MTA3: variants seen among roughly 807,000 people sequenced by gnomAD.
MTA3 encodes the protein metastasis associated 1 family member 3, also known as metastasis-associated protein MTA3.
A neutral mutation model predicts 83.5 loss-of-function variants in MTA3; 34 were observed. The ratio of observed to expected loss-of-function variants is 0.41; its 90% CI spans 0.31 to 0.54. MTA3 has a LOEUF of 0.54. Ranked by LOEUF, MTA3 falls within the 20% of genes least tolerant of loss-of-function variation. MTA3 has a pLI of 0.33. For synonymous variants in MTA3, 303 were observed against 252.7 expected, an observed-to-expected ratio of 1.20 and a Z score of -1.89; for missense variants, 761 against 726.4, an observed-to-expected ratio of 1.05 and a Z score of -0.55.
intron 4 of MTA3, among the ~76,000 whole-genome samples, chr2:42,617,319 G>T (rs990650258): frequency 7.2e-5 from 11 of 152,072 alleles, no homozygotes; most frequent in Non-Finnish European, 1.6e-4. Flanking sequence ...TCTCACACAA[G>T]TTTGTAGAAA....
intron 8 of MTA3, among the ~76,000 whole-genome samples, chr2:42,663,226 ATGG>A (rs1689897306): frequency 6.6e-6 from 1 of 152,036 alleles, no homozygotes; most frequent in Admixed American, 6.6e-5. Flanking sequence ...TGTTCCTGAG[ATGG>A]TGGAGAGTTC....
chr2:42,641,368 A>G (rs1204596176), intron 5 of MTA3, among the ~76,000 whole-genome samples: 2 of 152,172 alleles, frequency 1.3e-5, no homozygotes, highest in African/African-American at 4.8e-5. Context: ...AGTCATATTC[A>G]AAGCAGAAAA....
At chr2:42,716,562 A>G (rs566784431) in intron 14 of MTA3, among the ~76,000 whole-genome samples, 1 of 152,200 alleles carries the variant, frequency 6.6e-6, no homozygotes, top group Non-Finnish European at 1.5e-5. Context: ...GCTCCGACTC[A>G]TAAGTGAGAA....
At chr2:42,504,072 T>A (rs1179666275) in intron 2 of MTA3, among the ~76,000 whole-genome samples, 1 of 150,266 alleles carries the variant, frequency 6.7e-6, no homozygotes, top group Non-Finnish European at 1.5e-5. Flanking sequence ...TACAGGCAGC[T>A]GTCACCACGC....
chr2:42,559,394 C>A (rs13018088), intron 2 of MTA3, among the ~76,000 whole-genome samples: 48,820 of 151,044 alleles, frequency 0.32, 8,031 homozygotes, highest in South Asian at 0.41. Flanking sequence ...CCCAGCTACT[C>A]TGGAGGCTGA....
At chr2:42,586,242 C>G (rs1573074727) in intron 3 of MTA3, among the ~76,000 whole-genome samples, 1 of 150,480 alleles carries the variant, frequency 6.6e-6, no homozygotes, top group Non-Finnish European at 1.5e-5. Context: ...CCATTGCACT[C>G]CAGCCCGGAC....
In MTA3 at chr2:42,596,413, C is replaced by A. The variant is rs533957512; in HGVS notation, c.191-13045C>A. ...AACTTTCATTTAAAAGGACATTTTTCTCTTGCTATTTTATGGAGTTTTTAT... is the reference window on the plus strand; with the variant it reads ...AACTTTCATTTAAAAGGACATTTTTATCTTGCTATTTTATGGAGTTTTTAT... On this transcript the variant is annotated intron_variant, in intron 3 of 16. Coordinates refer to ENST00000405094, the MANE Select transcript of MTA3 (RefSeq NM_001330442.2). Among the ~76,000 whole-genome samples the A allele has an allele frequency of 2.0e-5, 3 of 152,234 alleles. No homozygotes were observed. In the South Asian group the frequency reaches 6.2e-4, roughly 32 times the overall value.
rs1670241077 is a variant in MTA3, at chr2:42,756,404, AC to A, written c.*3006del. 2.1e-6 allele frequency: 2 copies of A among 941,924 alleles called. No individual in the cohort carries two copies. Among genetic ancestry groups the A allele is most frequent in the African/African-American group, 3.5e-5 (2 of 56,388 alleles). 58.3% of individuals were successfully genotyped at this position (941,924 alleles called of 1,614,324 possible). On this transcript the variant is annotated 3_prime_UTR_variant, in exon 17 of 17. Coordinates refer to ENST00000405094, the MANE Select transcript of MTA3 (RefSeq NM_001330442.2). ...GAAGCAGCTGCCCTGGGAGCCTGGG[AC>A]AGGCGACCCACCGGGTCAGTCCCCT...
chr2:42,651,451 G>A (rs1303987126), intron 6 of MTA3, among the ~76,000 whole-genome samples: 2 of 152,122 alleles, frequency 1.3e-5, no homozygotes, highest in Non-Finnish European at 2.9e-5. Context: ...AGAAGAGCCA[G>A]ATGATGGAAG....
At chr2:42,726,705 G>C (rs1008062092) in intron 16 of MTA3, among the ~76,000 whole-genome samples, 1 of 152,194 alleles carries the variant, frequency 6.6e-6, no homozygotes, top group African/African-American at 2.4e-5. Context: ...AGAAAAAAAA[G>C]ATGGACAGCT....
At chr2:42,742,843 T>C (rs370018519) in intron 16 of MTA3, among the ~76,000 whole-genome samples, 3 of 152,246 alleles carry the variant, frequency 2.0e-5, no homozygotes, top group South Asian at 4.1e-4. Flanking sequence ...ATTTATTTCT[T>C]ACCTAAAAAT....
intron 2 of MTA3, among the ~76,000 whole-genome samples, chr2:42,507,772 C>T (rs944799518): frequency 1.3e-5 from 2 of 151,324 alleles, no homozygotes; most frequent in South Asian, 2.1e-4. Flanking sequence ...TCTACAGAAA[C>T]GTTAAAAAAT....
intron 2 of MTA3, 128 bp from the exon 3 acceptor site, chr2:42,578,979 C>A: frequency 1.7e-6 from 1 of 576,150 alleles, no homozygotes; most frequent in Admixed American, 3.7e-5. Flanking sequence ...CTGTGGTTAT[C>A]CTGCAGTTGT....
chr2:42,704,373 G>T lies in MTA3; in HGVS notation c.1150+55G>T, dbSNP rs1665881818. The T allele has an allele frequency of 7.1e-5, 114 of 1,603,962 alleles. 1 individual carries two copies. Among genetic ancestry groups the T allele is most frequent in the Non-Finnish European group, 9.5e-5 (111 of 1,174,418 alleles). ...ATCGGGAACTGTTCTGGCTCATGGG[G>T]TGTGAGCGTCTGGGAAGTGCCTGAG... On this transcript the variant is annotated intron_variant, in intron 12 of 16. Coordinates refer to ENST00000405094, the MANE Select transcript of MTA3 (RefSeq NM_001330442.2).
intron 2 of MTA3, among the ~76,000 whole-genome samples, chr2:42,536,285 C>G (rs879937909): frequency 2.0e-5 from 3 of 151,268 alleles, no homozygotes; most frequent in Non-Finnish European, 4.4e-5. Flanking sequence ...ACCAGCCTGG[C>G]CAATATGAAG....
chr2:42,663,800 T>C (rs944378934), intron 8 of MTA3, among the ~76,000 whole-genome samples: 10 of 152,358 alleles, frequency 6.6e-5, no homozygotes, highest in African/African-American at 1.7e-4. Flanking sequence ...TTGCCTCTTA[T>C]GCTCCTTCTA....
intron 2 of MTA3, among the ~76,000 whole-genome samples, chr2:42,499,627 T>C (rs577111535): frequency 6.6e-6 from 1 of 151,158 alleles, no homozygotes; most frequent in African/African-American, 2.4e-5. Flanking sequence ...CCGTCTCTAC[T>C]AAAAATACAA....
At chr2:42,606,858 A>G (rs1235523759) in intron 3 of MTA3, among the ~76,000 whole-genome samples, 2 of 148,530 alleles carry the variant, frequency 1.3e-5, no homozygotes, top group East Asian at 2.0e-4. Context: ...TTGGCGGATC[A>G]CTCGCGGTTA....
chr2:42,640,473 A>G (rs1039630730), intron 5 of MTA3, among the ~76,000 whole-genome samples: 1 of 152,176 alleles, frequency 6.6e-6, no homozygotes, highest in Non-Finnish European at 1.5e-5. Context: ...CATTATAGAG[A>G]ATGGTACATG....
Sources: allele counts gnomAD v4.1 joint callset (sites outside exome capture counted in the v4.1 genomes callset), GRCh38; gene constraint gnomAD v4.1.1; transcripts MANE v1.5; gene names NCBI Gene and HGNC (gene_info 2026-07-23, HGNC 2026-07-21).